NLRP3: variants seen among roughly 807,000 people sequenced by gnomAD.
NLRP3 encodes the protein NACHT, LRR and PYD domains-containing protein 3.
A neutral mutation model predicts 91.3 loss-of-function variants in NLRP3; 48 were observed. The observed-to-expected ratio is 0.53, with a 90% CI of 0.42 to 0.67. The LOEUF is 0.67. Among genes scored for constraint, NLRP3 ranks in the 30% least tolerant of loss-of-function variants. NLRP3 has a pLI of 0.00. For missense variants in NLRP3, 982 were observed against 1,276.9 expected (o/e 0.77, Z 3.52); for synonymous variants, 561 against 507.9 (o/e 1.10, Z -1.41).
chr1:247,430,166 G>A (rs773025545), intron 5 of NLRP3, among the ~76,000 whole-genome samples: 1 of 152,294 alleles, frequency 6.6e-6, no homozygotes. Context: ...ATGAGCCACC[G>A]CACCCGGCCG....
chr1:247,435,889 A>G, intron 6 of NLRP3, 81 bp from the exon 7 acceptor site: 1 of 1,281,122 alleles, frequency 7.8e-7, no homozygotes, highest in Non-Finnish European at 1.1e-6. Context: ...GAGTAGAGGC[A>G]GTGGCAGGTA....
chr1:247,423,093 C>A, intron 2 of NLRP3, 137 bp from the exon 3 acceptor site: 4 of 1,224,170 alleles, frequency 3.3e-6, no homozygotes, highest in Non-Finnish European at 3.6e-6. Context: ...GGATACCTGT[C>A]CTCTGCAACT....
chr1:247,430,893 G>A (rs746541571), intron 5 of NLRP3, among the ~76,000 whole-genome samples: 5 of 151,004 alleles, frequency 3.3e-5, no homozygotes, highest in South Asian at 2.2e-4. Context: ...CAGCTCCCCC[G>A]AGTAGCTGGG....
intron 5 of NLRP3, among the ~76,000 whole-genome samples, chr1:247,433,140 G>C (rs534881777): frequency 6.6e-6 from 1 of 152,082 alleles, no homozygotes; most frequent in Admixed American, 6.6e-5. Flanking sequence ...CCAGGAGTTC[G>C]AGGTGGCAGT....
At chr1:247,446,871 T>A (rs1365233738) in intron 9 of NLRP3, among the ~76,000 whole-genome samples, 3 of 152,334 alleles carry the variant, frequency 2.0e-5, no homozygotes, top group African/African-American at 7.2e-5. Context: ...CAAGTTTGAA[T>A]CAGCCTTGCA....
chr1:247,438,025 A>G (rs755830330), intron 7 of NLRP3, among the ~76,000 whole-genome samples: 3 of 152,232 alleles, frequency 2.0e-5, no homozygotes, highest in East Asian at 1.9e-4. Flanking sequence ...AATATGCTCT[A>G]TGTAGTTACT....
chr1:247,443,878 G>A (rs1664410495), intron 7 of NLRP3, 94 bp from the exon 8 acceptor site: 1 of 1,237,392 alleles, frequency 8.1e-7, no homozygotes, highest in Non-Finnish European at 1.2e-6. Flanking sequence ...GAAGGCTGCA[G>A]CTGCTGAGAG....
In NLRP3 at chr1:247,434,199, C is replaced by T. The variant is rs575309255; in HGVS notation, c.2418C>T (p.Asn806=). The T allele has an allele frequency of 4.0e-5, 65 of 1,614,242 alleles. No homozygotes were observed. The highest frequency in any genetic ancestry group is 1.5e-4 in the Admixed American group (9 of 60,030). The change falls in exon 6 of 10, where the codon AAC becomes AAT. Residue 806 remains asparagine (N), a synonymous_variant. Coordinates refer to ENST00000336119, the MANE Select transcript of NLRP3 (RefSeq NM_001243133.2). The stretch of plus-strand genomic sequence containing the variant: ...TGGTGGAGCTGGACCTGAGTGACAA[C>T]GCCCTCGGTGACTTCGGAATCAGAC... The part of the protein sequence containing the change: ...QKLVELDLSD[N]ALGDFGIRLL...
At chr1:247,417,527 G>A (rs1288620206) in intron 1 of NLRP3, among the ~76,000 whole-genome samples, 1 of 151,960 alleles carries the variant, frequency 6.6e-6, no homozygotes, top group Non-Finnish European at 1.5e-5. Flanking sequence ...TATTGCCCAG[G>A]CTGGAGTGCA....
chr1:247,421,999 T>C (rs1662491976), intron 2 of NLRP3, among the ~76,000 whole-genome samples: 1 of 152,112 alleles, frequency 6.6e-6, no homozygotes, highest in African/African-American at 2.4e-5. Context: ...ACTCTGTCTC[T>C]TAAAAAAAAA....
Position 247,444,729 on chromosome 1 carries a change from G to A in NLRP3, c.2913G>A (p.Lys971=), listed in dbSNP as rs1664479575. Residue 971 remains lysine (K), a synonymous_variant, in exon 9 of 10, where the codon AAG becomes AAA. Coordinates refer to ENST00000336119, the MANE Select transcript of NLRP3 (RefSeq NM_001243133.2). ...TLLTSSQSLR[K]LSLGNNDLGD... ...TGACCTCCAGCCAGAGCCTGCGAAA[G>A]CTGAGCCTGGGCAACAATGACCTGG... is the stretch of plus-strand genomic sequence containing the variant. 6.2e-7 allele frequency: 1 copy of A among 1,614,170 alleles called. No homozygotes were observed. The highest frequency in any genetic ancestry group is 8.5e-7 in the Non-Finnish European group (1 of 1,180,032).
chr1:247,443,198 T>C (rs1664345787), intron 7 of NLRP3, among the ~76,000 whole-genome samples: 1 of 152,144 alleles, frequency 6.6e-6, no homozygotes, highest in South Asian at 2.1e-4. Flanking sequence ...CCCAAAGTGC[T>C]GGGATTACAG....
chr1:247,416,369 C>T (rs986001008), intron 1 of NLRP3, among the ~76,000 whole-genome samples, 176 bp downstream of exon 1: 1 of 152,128 alleles, frequency 6.6e-6, no homozygotes, highest in East Asian at 1.9e-4. Context: ...TTGGGCTCTA[C>T]GTGTGCAAGT....
chr1:247,427,179 G>A (rs558741309), intron 4 of NLRP3, among the ~76,000 whole-genome samples: 3 of 152,262 alleles, frequency 2.0e-5, no homozygotes, highest in Non-Finnish European at 4.4e-5. Context: ...AGGCAAGGCA[G>A]CTCTCTGGGG....
chr1:247,425,868 T>C lies in NLRP3; in HGVS notation c.2150+269T>C. On this transcript the variant is annotated intron_variant, in intron 4 of 9. Transcript: ENST00000336119. The surrounding 1 kb of genome is among the most constrained non-coding windows in gnomAD (Gnocchi z 4.1). The stretch of plus-strand genomic sequence containing the variant: ...ACAAGGTATTAAGTAGGATGTAGGA[T>C]TGCCTACAAATATTTGTCAACTGAA... 2.1e-6 allele frequency: 1 copy of C among 480,398 alleles called. No individual in the cohort carries two copies. Among genetic ancestry groups the C allele is most frequent in the Non-Finnish European group, 3.8e-6 (1 of 263,132 alleles). 29.8% of individuals were successfully genotyped at this position (480,398 alleles called of 1,614,324 possible).
intron 7 of NLRP3, among the ~76,000 whole-genome samples, chr1:247,443,254 G>A (rs1047382316): frequency 6.6e-6 from 1 of 152,078 alleles, no homozygotes; most frequent in African/African-American, 2.4e-5. Context: ...TATTTAGGCA[G>A]GGTCTCACTC....
chr1:247,448,626 T>C lies in NLRP3; in HGVS notation c.*122T>C, dbSNP rs925646328. On this transcript the variant is annotated 3_prime_UTR_variant, in exon 10 of 10. Coordinates refer to ENST00000336119, the MANE Select transcript of NLRP3 (RefSeq NM_001243133.2). ...CAGCTCTGTGATCCTTCCGGTGGAG[T>C]GTCGGAGAAGAGAGCTTGCCGACGA... The C allele has an allele frequency of 2.7e-6, 2 of 741,956 alleles. No individual in the cohort carries two copies. Among genetic ancestry groups the C allele is most frequent in the African/African-American group, 1.7e-5 (1 of 57,522 alleles). The allele number at this position is 741,956 out of a possible 1,614,324, so 46.0% of individuals were successfully genotyped here. A position where few individuals can be genotyped will look rare whatever the true frequency, so the allele number is the denominator to read the frequency against.
chr1:247,417,222 G>A (rs1334469188), intron 1 of NLRP3, among the ~76,000 whole-genome samples: 3 of 152,132 alleles, frequency 2.0e-5, no homozygotes, highest in Admixed American at 1.3e-4. Flanking sequence ...CATATCTCTG[G>A]TCAAAATCCT....
intron 2 of NLRP3, among the ~76,000 whole-genome samples, chr1:247,419,410 C>T (rs1172292918): frequency 6.6e-6 from 1 of 152,118 alleles, no homozygotes; most frequent in Non-Finnish European, 1.5e-5. Flanking sequence ...CCGCCTCGGC[C>T]TCGCAAAGTG....
Sources: allele counts gnomAD v4.1 joint callset (sites outside exome capture counted in the v4.1 genomes callset), GRCh38; gene constraint gnomAD v4.1.1; non-coding constraint Gnocchi (gnomAD v3.1); transcripts MANE v1.5; gene names NCBI Gene and HGNC (gene_info 2026-07-23, HGNC 2026-07-21).